The following UBE2D2 variants were observed in gnomAD, a reference collection of about 807,000 sequenced individuals.
UBE2D2 encodes ubiquitin conjugating enzyme E2 D2, also known as ubiquitin-conjugating enzyme E2 D2.
In UBE2D2, 2 loss-of-function variants were observed where a neutral mutation model predicts 24.2. The ratio of observed to expected loss-of-function variants is 0.08; its 90% CI spans 0.03 to 0.26. UBE2D2 has a LOEUF of 0.26. Among genes scored for constraint, UBE2D2 ranks in the 10% least tolerant of loss-of-function variants. The probability of loss-of-function intolerance (pLI) is 1.00; values close to 1 mark genes in which losing one functional copy is unlikely to be tolerated. For missense variants in UBE2D2, 44 were observed against 177.6 expected, an observed-to-expected ratio of 0.25 and a Z score of 4.28; for synonymous variants, 58 against 56.5, an observed-to-expected ratio of 1.03 and a Z score of -0.12.
intron 1 of UBE2D2, among the ~76,000 whole-genome samples, chr5:139,530,798 A>G (rs1190250596): frequency 6.6e-6 from 1 of 152,176 alleles, no homozygotes; most frequent in East Asian, 1.9e-4. Flanking sequence ...TGTGGCATGG[A>G]CTCAGTCCGG....
intron 1 of UBE2D2, among the ~76,000 whole-genome samples, chr5:139,568,288 G>A (rs1753282813): frequency 6.6e-6 from 1 of 150,896 alleles, no homozygotes; most frequent in African/African-American, 2.4e-5. Context: ...AGGTTGCAGT[G>A]AGCCAAGATC....
At chr5:139,559,620 A>G (rs527563565), upstream of UBE2D2, among the ~76,000 whole-genome samples, 1 of 152,246 alleles carries the variant, frequency 6.6e-6, no homozygotes, top group African/African-American at 2.4e-5. Context: ...CAACCTTCTC[A>G]GTAGGTGAGG....
intron 2 of UBE2D2, among the ~76,000 whole-genome samples, chr5:139,603,555 G>T (rs1036609931): frequency 6.7e-6 from 1 of 149,754 alleles, no homozygotes. Context: ...CTGGGAGGCG[G>T]AGGTTGTGGT....
chr5:139,569,933 A>G (rs761938609), intron 1 of UBE2D2, among the ~76,000 whole-genome samples: 4 of 152,136 alleles, frequency 2.6e-5, no homozygotes, highest in African/African-American at 7.2e-5. Flanking sequence ...TTCCCTTTAT[A>G]TGATTGGCAA....
intron 1 of UBE2D2, among the ~76,000 whole-genome samples, chr5:139,540,275 G>C (rs148778851): frequency 3.9e-4 from 60 of 152,106 alleles, no homozygotes; most frequent in African/African-American, 1.4e-3. Flanking sequence ...GGGAACACTG[G>C]AACTCTCTGT....
chr5:139,557,717 A>G (rs1338630632), upstream of UBE2D2, among the ~76,000 whole-genome samples: 2 of 152,178 alleles, frequency 1.3e-5, no homozygotes, highest in Non-Finnish European at 2.9e-5. Flanking sequence ...ACTGCACTCC[A>G]GGCTCGGCAA....
chr5:139,552,770 C>T (rs1752939607), intron 1 of UBE2D2, among the ~76,000 whole-genome samples: 1 of 151,472 alleles, frequency 6.6e-6, no homozygotes, highest in Non-Finnish European at 1.5e-5. Flanking sequence ...GCAACCTCCA[C>T]CTCCCAAGTT....
intron 1 of UBE2D2, chr5:139,599,463 G>A (rs370963228): frequency 2.0e-5 from 3 of 151,806 alleles, no homozygotes; most frequent in African/African-American, 2.4e-5. Flanking sequence ...TTGGCCAGGC[G>A]CGGTGGCTCA....
At chr5:139,554,278 C>G (rs1752954258) in intron 1 of UBE2D2, among the ~76,000 whole-genome samples, 1 of 152,142 alleles carries the variant, frequency 6.6e-6, no homozygotes, top group Non-Finnish European at 1.5e-5. Context: ...AGGTGATCCT[C>G]CCACCTCAGC....
intron 1 of UBE2D2, among the ~76,000 whole-genome samples, chr5:139,597,821 T>G (rs1753989460): frequency 6.6e-6 from 1 of 152,220 alleles, no homozygotes; most frequent in South Asian, 2.1e-4. Flanking sequence ...AAATCTCTAT[T>G]TTAGAGACAT....
At chr5:139,615,550 A>T (rs1245277027) in intron 5 of UBE2D2, among the ~76,000 whole-genome samples, 1 of 152,172 alleles carries the variant, frequency 6.6e-6, no homozygotes, top group African/African-American at 2.4e-5. Flanking sequence ...GAGCACAATT[A>T]ACATCTCTTC....
chr5:139,583,934 T>G (rs1421904301), intron 1 of UBE2D2, among the ~76,000 whole-genome samples: 1 of 152,204 alleles, frequency 6.6e-6, no homozygotes, highest in Non-Finnish European at 1.5e-5. Context: ...TCCTGTTGCC[T>G]AGTGACATAG....
At chr5:139,531,459 G>A (rs1256720527) in intron 1 of UBE2D2, among the ~76,000 whole-genome samples, 4 of 152,118 alleles carry the variant, frequency 2.6e-5, no homozygotes, top group Admixed American at 1.3e-4. Context: ...TTGTGCACTC[G>A]GGGAGATCGG....
At chr5:139,530,151 A>G (rs988363053) in intron 1 of UBE2D2, among the ~76,000 whole-genome samples, 2 of 152,202 alleles carry the variant, frequency 1.3e-5, no homozygotes, top group Non-Finnish European at 2.9e-5. Flanking sequence ...TAGAGTTCCA[A>G]TCACACAGAA....
At chr5:139,615,563 A>G (rs1754405938) in intron 5 of UBE2D2, among the ~76,000 whole-genome samples, 1 of 152,184 alleles carries the variant, frequency 6.6e-6, no homozygotes, top group African/African-American at 2.4e-5. Context: ...ATCTCTTCCA[A>G]CCTTGAGATT....
intron 1 of UBE2D2, among the ~76,000 whole-genome samples, chr5:139,566,910 G>A (rs1353600270): frequency 1.3e-5 from 2 of 150,320 alleles, no homozygotes; most frequent in African/African-American, 2.5e-5. Flanking sequence ...TTTGGCAACC[G>A]ATTCAACTTA....
At chr5:139,613,512 C>T (rs1418858391) in intron 2 of UBE2D2, among the ~76,000 whole-genome samples, 1 of 152,160 alleles carries the variant, frequency 6.6e-6, no homozygotes, top group Non-Finnish European at 1.5e-5. Context: ...ATTTATTGAA[C>T]AAGTTTATAA....
At position 139,627,472 on chromosome 5, in the gene UBE2D2, A is replaced by T. The variant is rs1287049706; in HGVS notation, c.*671A>T. The T allele has an allele frequency of 6.6e-6, 1 of 152,516 alleles. No individual in the cohort carries two copies. The highest frequency in any genetic ancestry group is 1.9e-4 in the East Asian group (1 of 5,202). 9.4% of individuals were successfully genotyped at this position (152,516 alleles called of 1,614,324 possible). A position where few individuals can be genotyped will look rare whatever the true frequency, so the allele number is the denominator to read the frequency against. On this transcript the variant is annotated 3_prime_UTR_variant, in exon 7 of 7. Coordinates refer to ENST00000398733, the MANE Select transcript of UBE2D2 (RefSeq NM_003339.3). ...CTTTCAGCCCTTCTTTCTCTCTTCC[A>T]TATTCTTTGGTTTGTATGTGGTTTC... is the stretch of plus-strand genomic sequence containing the variant.
chr5:139,616,695 TAA>T (rs1223256631), intron 5 of UBE2D2, among the ~76,000 whole-genome samples: 4 of 152,236 alleles, frequency 2.6e-5, no homozygotes, highest in Non-Finnish European at 5.9e-5. Context: ...CAGTATGTGT[TAA>T]GAGACTTAAT....
Sources: gnomAD v4.1 joint callset for allele counts (sites outside exome capture counted in the v4.1 genomes callset) on GRCh38, gnomAD v4.1.1 for gene constraint, MANE v1.5 for transcripts, NCBI Gene and HGNC (gene_info 2026-07-23, HGNC 2026-07-21) for gene names.